CCDC91: variants seen among roughly 807,000 people sequenced by gnomAD.
CCDC91 encodes coiled-coil domain-containing protein 91.
In CCDC91, 48 loss-of-function variants were observed where a neutral mutation model predicts 63.2. That is an observed-to-expected ratio of 0.76 (90% CI 0.60 to 0.97). The LOEUF is 0.97. CCDC91 is among the 50% of genes least tolerant of loss of function. The probability of loss-of-function intolerance (pLI) is 0.00; values close to 1 mark genes in which losing one functional copy is unlikely to be tolerated. For synonymous variants in CCDC91, 167 were observed against 165.8 expected (o/e 1.01, Z -0.06); for missense variants, 500 against 494.6 (o/e 1.01, Z -0.10).
chr12:28,353,145 C>A (rs1351300565), intron 6 of CCDC91, among the ~76,000 whole-genome samples: 1 of 152,180 alleles, frequency 6.6e-6, no homozygotes, highest in African/African-American at 2.4e-5. Flanking sequence ...CATCATGAAC[C>A]AATCTCTGAT....
At chr12:28,424,555 G>A (rs1298463407) in intron 8 of CCDC91, among the ~76,000 whole-genome samples, 1 of 151,790 alleles carries the variant, frequency 6.6e-6, no homozygotes, top group East Asian at 1.9e-4. Flanking sequence ...GTTAACTTTT[G>A]GAATTACCTT....
intron 8 of CCDC91, among the ~76,000 whole-genome samples, chr12:28,403,110 C>A (rs1946738146): frequency 6.6e-6 from 1 of 152,040 alleles, no homozygotes; most frequent in Non-Finnish European, 1.5e-5. Flanking sequence ...TTTTCTTTTC[C>A]TGTGATGTAT....
intron 7 of CCDC91, among the ~76,000 whole-genome samples, chr12:28,363,373 T>C (rs1944028694): frequency 1.3e-5 from 2 of 152,210 alleles, no homozygotes; most frequent in South Asian, 2.1e-4. Flanking sequence ...TTTTTGTTAC[T>C]CTTCTTTAGT....
intron 3 of CCDC91, chr12:28,268,713 A>G (rs1436691173): frequency 2.1e-6 from 2 of 966,190 alleles, no homozygotes; most frequent in African/African-American, 3.5e-5. Context: ...CATCCTGTTT[A>G]CTCAGTAGGG....
chr12:28,394,461 C>CA (rs200162921), intron 8 of CCDC91, among the ~76,000 whole-genome samples: 3 of 144,804 alleles, frequency 2.1e-5, no homozygotes, highest in African/African-American at 8.0e-5. Context: ...GAGTCTGTCT[C>CA]AAAAAAACAA....
intron 8 of CCDC91, among the ~76,000 whole-genome samples, chr12:28,394,731 T>TCTCTCTCTCTCTCTCC (rs986241946): frequency 2.0e-5 from 3 of 151,478 alleles, no homozygotes; most frequent in African/African-American, 7.3e-5. Context: ...TCTCTCTCTC[T>TCTCTCTCTCTCTCTCC]CCCCCTTTTT....
chr12:28,314,804 A>T (rs113096004), intron 6 of CCDC91, among the ~76,000 whole-genome samples: 4 of 151,990 alleles, frequency 2.6e-5, no homozygotes, highest in African/African-American at 9.6e-5. Context: ...ATTAGATTTG[A>T]TGTTGGGAAA....
chr12:28,212,837 G>A (rs1257039072), intron 1 of CCDC91, among the ~76,000 whole-genome samples: 2 of 152,176 alleles, frequency 1.3e-5, no homozygotes, highest in Non-Finnish European at 2.9e-5. Flanking sequence ...GCAAAATTCA[G>A]TTTAATAGAA....
At chr12:28,318,744 A>G (rs1444599982) in intron 6 of CCDC91, among the ~76,000 whole-genome samples, 1 of 152,000 alleles carries the variant, frequency 6.6e-6, no homozygotes, top group Non-Finnish European at 1.5e-5. Flanking sequence ...TAATTGAGAA[A>G]ATCAAATTGT....
At chr12:28,491,545 A>G (rs1485703376) in intron 12 of CCDC91, among the ~76,000 whole-genome samples, 1 of 151,824 alleles carries the variant, frequency 6.6e-6, no homozygotes, top group Non-Finnish European at 1.5e-5. Flanking sequence ...AAGATCACTT[A>G]AGCCTATGAT....
intron 1 of CCDC91, among the ~76,000 whole-genome samples, chr12:28,194,145 T>C (rs188866987): frequency 2.6e-5 from 4 of 152,346 alleles, no homozygotes; most frequent in Admixed American, 2.0e-4. Flanking sequence ...TTTTTTCTTA[T>C]GTTTTCTTCC....
chr12:28,382,785 T>G (rs754160585), intron 7 of CCDC91, among the ~76,000 whole-genome samples: 49 of 152,130 alleles, frequency 3.2e-4, no homozygotes, highest in Non-Finnish European at 5.9e-4. Flanking sequence ...ATGAGATGCA[T>G]AGGCCTTTAC....
At chr12:28,288,554 T>G (rs1949039634) in intron 3 of CCDC91, among the ~76,000 whole-genome samples, 1 of 152,080 alleles carries the variant, frequency 6.6e-6, no homozygotes. Context: ...AAAGCCTCCT[T>G]GATTGTAGGT....
chr12:28,407,958 A>ATTT (rs1947061435), intron 8 of CCDC91, among the ~76,000 whole-genome samples: 1 of 105,156 alleles, frequency 9.5e-6, no homozygotes, highest in Admixed American at 1.0e-4. Context: ...ATACATATAT[A>ATTT]TATATATTTT....
intron 8 of CCDC91, among the ~76,000 whole-genome samples, chr12:28,445,530 T>C (rs1949452367): frequency 6.6e-6 from 1 of 152,246 alleles, no homozygotes; most frequent in East Asian, 1.9e-4. Flanking sequence ...TAGAAAGCTG[T>C]GGGAAATACA....
intron 3 of CCDC91, among the ~76,000 whole-genome samples, chr12:28,293,676 T>C (rs1949381152): frequency 6.6e-6 from 1 of 152,198 alleles, no homozygotes; most frequent in Non-Finnish European, 1.5e-5. Context: ...TCTGTCTCTT[T>C]TTAACTTATC....
chr12:28,327,756 C>T (rs1356828232), intron 6 of CCDC91, among the ~76,000 whole-genome samples: 1 of 152,140 alleles, frequency 6.6e-6, no homozygotes, highest in East Asian at 1.9e-4. Flanking sequence ...TAGTGATTGT[C>T]AGCTGTCCTG....
Position 28,549,971 on chromosome 12 carries a change from C to T in CCDC91, c.*798C>T, listed in dbSNP as rs1223799861. 1 of 152,384 alleles carries T rather than the reference C, an allele frequency of 6.6e-6. No homozygotes were observed. Among genetic ancestry groups the T allele is most frequent in the East Asian group, 1.9e-4 (1 of 5,176 alleles). The allele number at this position is 152,384 out of a possible 1,614,324, so 9.4% of individuals were successfully genotyped here. A position where few individuals can be genotyped will look rare whatever the true frequency, so the allele number is the denominator to read the frequency against. On this transcript the variant is annotated 3_prime_UTR_variant, in exon 13 of 13. Transcript: ENST00000536442. ...GTACAGGATATATGAAATCTTTTCCCAGTATTTCAGAATGTACTTAATTCA... is the reference window on the plus strand; with the variant it reads ...GTACAGGATATATGAAATCTTTTCCTAGTATTTCAGAATGTACTTAATTCA...
Position 28,257,188 on chromosome 12 carries a change from C to T in CCDC91, c.-14-14C>T. On this transcript the variant is annotated splice_polypyrimidine_tract_variant and intron_variant, in intron 1 of 12. Transcript: ENST00000536442. ...TGTGTGTGCGGGCTTGTTTCAATAT[C>T]TTATATTTTTCAGGTGCCACTTGAA... 6.3e-7 allele frequency: 1 copy of T among 1,586,568 alleles called. No homozygotes were observed. The highest frequency in any genetic ancestry group is 8.7e-7 in the Non-Finnish European group (1 of 1,155,706).
Sources: gnomAD v4.1 joint callset for allele counts (sites outside exome capture counted in the v4.1 genomes callset) on GRCh38, gnomAD v4.1.1 for gene constraint, MANE v1.5 for transcripts, NCBI Gene and HGNC (gene_info 2026-07-23, HGNC 2026-07-21) for gene names.